The following CDCA7L variants were observed in gnomAD, a reference collection of about 807,000 sequenced individuals.
CDCA7L encodes cell division cycle-associated 7-like protein.
A neutral mutation model predicts 57.4 loss-of-function variants in CDCA7L; 44 were observed. The ratio of observed to expected loss-of-function variants is 0.77; its 90% confidence interval spans 0.60 to 0.98. The LOEUF is 0.98. Among genes scored for constraint, CDCA7L ranks in the 50% least tolerant of loss-of-function variants. The pLI is 0.00. For missense variants in CDCA7L, 644 were observed against 580.6 expected (o/e 1.11, Z -1.12); for synonymous variants, 236 against 202.8 (o/e 1.16, Z -1.39).
intron 6 of CDCA7L, 49 bp from the exon 7 acceptor site, chr7:21,905,680 A>C (rs749810155): frequency 4.8e-5 from 75 of 1,566,700 alleles, no homozygotes; most frequent in Middle Eastern, 1.7e-4. Context: ...AGCAGTTATA[A>C]AAAAATTATA....
chr7:21,922,927 G>C (rs1785703140), intron 1 of CDCA7L, among the ~76,000 whole-genome samples: 3 of 152,106 alleles, frequency 2.0e-5, no homozygotes, highest in Admixed American at 1.3e-4. Context: ...ATAAAACCAA[G>C]AACGGTATGA....
chr7:21,931,695 G>A (rs1786022927), intron 1 of CDCA7L, among the ~76,000 whole-genome samples: 1 of 152,208 alleles, frequency 6.6e-6, no homozygotes, highest in African/African-American at 2.4e-5. Context: ...AAAGCTGGAA[G>A]CATTCCCTTT....
chr7:21,902,435 T>C (rs573712318), intron 9 of CDCA7L, 83 bp from the exon 10 acceptor site: 2 of 1,352,156 alleles, frequency 1.5e-6, no homozygotes, highest in Admixed American at 1.7e-5. Flanking sequence ...CACAATCATC[T>C]AAGAGTACAA....
rs2128053405 is a variant in CDCA7L, at chr7:21,901,113, A to G, written c.*1209T>C. ...CAAAAGCCACCCCCGTGGACAGACA[A>G]GAAACCAAACAGACCTACGAGTGCC... is the stretch of plus-strand genomic sequence containing the variant. On this transcript the variant is annotated 3_prime_UTR_variant, in exon 10 of 10. Coordinates refer to ENST00000406877, the MANE Select transcript of CDCA7L (RefSeq NM_018719.5). 1 of 1,613,452 alleles carries G rather than the reference A, an allele frequency of 6.2e-7. No individual in the cohort carries two copies. Among genetic ancestry groups the G allele is most frequent in the South Asian group, 1.1e-5 (1 of 91,080 alleles).
chr7:21,934,323 C>T (rs192890243), intron 1 of CDCA7L, among the ~76,000 whole-genome samples: 25 of 152,124 alleles, frequency 1.6e-4, no homozygotes, highest in Admixed American at 7.2e-4. Flanking sequence ...TTTTGTATGT[C>T]GCTGAAGTGA....
intron 2 of CDCA7L, among the ~76,000 whole-genome samples, chr7:21,912,030 G>C (rs1785346142): frequency 6.6e-6 from 1 of 151,436 alleles, no homozygotes; most frequent in South Asian, 2.1e-4. Flanking sequence ...GGGAGACCGA[G>C]GCAGGCAGAT....
In CDCA7L at chr7:21,902,205, T is replaced by G; in HGVS notation, c.*117A>C. ...ATCTTTAACAAAAAATAGTAATTTCTACAAAGAATTTCTGTATAAAAACAC... is the reference window on the plus strand; with the variant it reads ...ATCTTTAACAAAAAATAGTAATTTCGACAAAGAATTTCTGTATAAAAACAC... On this transcript the variant is annotated 3_prime_UTR_variant, in exon 10 of 10. Transcript: ENST00000406877. 1.0e-6 allele frequency: 1 copy of G among 987,938 alleles called. No homozygotes were observed. The highest frequency in any genetic ancestry group is 1.3e-5 in the South Asian group (1 of 74,342). The allele number at this position is 987,938 out of a possible 1,614,324, so 61.2% of individuals were successfully genotyped here.
chr7:21,936,938 T>C (rs377077338), intron 1 of CDCA7L, among the ~76,000 whole-genome samples: 5 of 152,158 alleles, frequency 3.3e-5, no homozygotes, highest in Admixed American at 3.3e-4. Context: ...AAAAAGTAGT[T>C]AGAGCTAACA....
chr7:21,909,760 T>C (rs1172874915), intron 3 of CDCA7L, among the ~76,000 whole-genome samples: 1 of 152,168 alleles, frequency 6.6e-6, no homozygotes, highest in African/African-American at 2.4e-5. Flanking sequence ...GGCCTCTCTT[T>C]ACCAGATGTG....
In CDCA7L at chr7:21,927,353, G is replaced by GA. The variant is rs1486896071; in HGVS notation, c.25-10460dup. On this transcript the variant is annotated intron_variant, in intron 1 of 9. Transcript: ENST00000406877. ...GGACTCCAACAGAAATTATGGAGCT[G>GA]AAAAAAATAGAATGACCAAGTTGAA... Among the ~76,000 whole-genome samples, 4 of 152,074 alleles carry GA rather than the reference G, an allele frequency of 2.6e-5. No homozygotes were observed. In the East Asian group the frequency reaches 5.8e-4, roughly 22 times the overall value.
At chr7:21,928,660 C>G (rs977077647) in intron 1 of CDCA7L, among the ~76,000 whole-genome samples, 10 of 151,364 alleles carry the variant, frequency 6.6e-5, no homozygotes, top group Non-Finnish European at 1.5e-4. Flanking sequence ...GAAGCATACA[C>G]AAGTATCAAT....
intron 1 of CDCA7L, among the ~76,000 whole-genome samples, chr7:21,917,343 G>A (rs1785517280): frequency 6.6e-6 from 1 of 152,130 alleles, no homozygotes; most frequent in African/African-American, 2.4e-5. Context: ...GGCTGATTCA[G>A]AAAGTAGAAA....
chr7:21,938,974 A>T (rs932834179), intron 1 of CDCA7L, among the ~76,000 whole-genome samples: 3 of 152,214 alleles, frequency 2.0e-5, no homozygotes, highest in African/African-American at 7.2e-5. Flanking sequence ...GCACCACTGC[A>T]CTCCAGCCTG....
At chr7:21,908,008 A>G (rs1163595481) in intron 4 of CDCA7L, 122 bp downstream of exon 4, 2 of 1,018,120 alleles carry the variant, frequency 2.0e-6, no homozygotes, top group African/African-American at 3.2e-5. Flanking sequence ...TACCCAGAGT[A>G]TATTTTCTTG....
chr7:21,919,990 G>A (rs1466977800), intron 1 of CDCA7L, among the ~76,000 whole-genome samples: 8 of 152,148 alleles, frequency 5.3e-5, no homozygotes, highest in South Asian at 2.1e-4. Flanking sequence ...CTTAACAGTT[G>A]AGACTTAATA....
chr7:21,907,286 C>G (rs1033408389), intron 4 of CDCA7L, among the ~76,000 whole-genome samples: 16 of 152,092 alleles, frequency 1.1e-4, no homozygotes, highest in Middle Eastern at 3.2e-3. Flanking sequence ...GAAAATTTCC[C>G]TTAGCTAAGT....
chr7:21,928,487 G>T (rs1025410223), intron 1 of CDCA7L, among the ~76,000 whole-genome samples: 1 of 151,972 alleles, frequency 6.6e-6, no homozygotes, highest in African/African-American at 2.4e-5. Flanking sequence ...GCTTCAGAAG[G>T]TGGGTAATAA....
chr7:21,928,910 A>C (rs1211852785), intron 1 of CDCA7L, among the ~76,000 whole-genome samples: 1 of 152,208 alleles, frequency 6.6e-6, no homozygotes, highest in Non-Finnish European at 1.5e-5. Context: ...GAACTTCCCC[A>C]ACCTAGCAAG....
In CDCA7L at chr7:21,908,118, G is replaced by T. The variant is rs147800695; in HGVS notation, c.681+12C>A. 10 of 1,509,860 alleles carry T rather than the reference G, an allele frequency of 6.6e-6. No homozygotes were observed. Among genetic ancestry groups the T allele is most frequent in the Non-Finnish European group, 7.9e-6 (9 of 1,140,348 alleles). 93.5% of individuals were successfully genotyped at this position (1,509,860 alleles called of 1,614,324 possible). A position where few individuals can be genotyped will look rare whatever the true frequency, so the allele number is the denominator to read the frequency against. On this transcript the variant is annotated intron_variant, in intron 4 of 9. Transcript: ENST00000406877. ...GGTGCCAACTCCCAGGACGCCCTCC[G>T]TGAAGCCTCACCATGGCTTTGTTCT... is the stretch of plus-strand genomic sequence containing the variant.
Sources: gnomAD v4.1 joint callset for allele counts (sites outside exome capture counted in the v4.1 genomes callset) on GRCh38, gnomAD v4.1.1 for gene constraint, MANE v1.5 for transcripts, NCBI Gene and HGNC (gene_info 2026-07-23, HGNC 2026-07-21) for gene names.